ULK4: variants seen among roughly 807,000 people sequenced by gnomAD.
ULK4 encodes the protein unc-51 like kinase 4.
A neutral mutation model predicts 160.6 loss-of-function variants in ULK4; 133 were observed. That is an observed-to-expected ratio of 0.83 (90% CI 0.72 to 0.96). The LOEUF is 0.96. ULK4 is among the 40% of genes least tolerant of loss of function. ULK4 has a pLI of 0.00. For synonymous variants in ULK4, 534 were observed against 539.8 expected (o/e 0.99, Z 0.15); for missense variants, 1,580 against 1,499.5 (o/e 1.05, Z -0.89).
intron 35 of ULK4, among the ~76,000 whole-genome samples, chr3:41,264,110 A>G (rs2078989182): frequency 6.6e-6 from 1 of 152,232 alleles, no homozygotes; most frequent in African/African-American, 2.4e-5. Context: ...AGAACCAGCC[A>G]TGAGAACATG....
chr3:41,393,924 G>T (rs2082004780), intron 35 of ULK4, among the ~76,000 whole-genome samples: 1 of 152,036 alleles, frequency 6.6e-6, no homozygotes, highest in Non-Finnish European at 1.5e-5. Flanking sequence ...TTTCCTAGTT[G>T]GTGGTCTTGG....
intron 19 of ULK4, among the ~76,000 whole-genome samples, chr3:41,803,171 C>CAAAAA (rs60309572): frequency 2.6e-4 from 35 of 136,126 alleles, no homozygotes; most frequent in Non-Finnish European, 3.9e-4. Flanking sequence ...GACTCCATCT[C>CAAAAA]AAAAAAAAAA....
intron 17 of ULK4, among the ~76,000 whole-genome samples, chr3:41,869,473 C>T (rs1413718060): frequency 6.6e-6 from 1 of 151,908 alleles, no homozygotes; most frequent in African/African-American, 2.4e-5. Flanking sequence ...CCCAGTTACT[C>T]GGGAGGTTGA....
At chr3:41,371,633 C>T (rs1229135598) in intron 35 of ULK4, among the ~76,000 whole-genome samples, 1 of 152,102 alleles carries the variant, frequency 6.6e-6, no homozygotes, top group Non-Finnish European at 1.5e-5. Flanking sequence ...GCAGACACTC[C>T]ATCCGAAGGT....
intron 31 of ULK4, among the ~76,000 whole-genome samples, chr3:41,574,114 G>A (rs2088097856): frequency 6.6e-6 from 1 of 152,086 alleles, no homozygotes; most frequent in South Asian, 2.1e-4. Flanking sequence ...AAAAGGCAGA[G>A]GTTGCCGTGA....
At chr3:41,820,006 T>C (rs913751765) in intron 18 of ULK4, among the ~76,000 whole-genome samples, 1 of 152,218 alleles carries the variant, frequency 6.6e-6, no homozygotes, top group Admixed American at 6.5e-5. Flanking sequence ...GGTACACTGA[T>C]TTTAATGACA....
intron 35 of ULK4, among the ~76,000 whole-genome samples, chr3:41,265,218 C>T (rs2079009592): frequency 6.6e-6 from 1 of 152,214 alleles, no homozygotes; most frequent in African/African-American, 2.4e-5. Context: ...GGGCCACGGC[C>T]AGCCAAAGTG....
intron 30 of ULK4, among the ~76,000 whole-genome samples, chr3:41,641,611 C>G (rs1196234098): frequency 6.6e-6 from 1 of 152,138 alleles, no homozygotes; most frequent in Non-Finnish European, 1.5e-5. Flanking sequence ...ATAAAAACCA[C>G]TGGCCCTAAA....
At chr3:41,346,054 G>GC (rs2080793317) in intron 35 of ULK4, among the ~76,000 whole-genome samples, 1 of 152,048 alleles carries the variant, frequency 6.6e-6, no homozygotes, top group South Asian at 2.1e-4. Flanking sequence ...AGGACAGGAT[G>GC]CGTGAGAGGC....
chr3:41,700,571 C>T (rs780516030), intron 27 of ULK4, among the ~76,000 whole-genome samples: 22 of 152,014 alleles, frequency 1.4e-4, no homozygotes, highest in Non-Finnish European at 3.2e-4. Flanking sequence ...ATTGGCAGAG[C>T]CCTTAGGTGC....
At chr3:41,356,113 G>A (rs2081024683) in intron 35 of ULK4, among the ~76,000 whole-genome samples, 1 of 152,112 alleles carries the variant, frequency 6.6e-6, no homozygotes, top group African/African-American at 2.4e-5. Context: ...AATTAAATTT[G>A]TTTCCATATT....
chr3:41,546,981 C>G (rs2086886511), intron 32 of ULK4, among the ~76,000 whole-genome samples: 1 of 152,132 alleles, frequency 6.6e-6, no homozygotes, highest in Non-Finnish European at 1.5e-5. Flanking sequence ...ACGTTCAAAA[C>G]ATTATTTCCA....
rs557675016 is a variant in ULK4, at chr3:41,431,115, G to A, written c.3492+24382C>T. Among the ~76,000 whole-genome samples the A allele has an allele frequency of 3.3e-5, 5 of 152,208 alleles. 1 individual carries two copies. The highest frequency in any genetic ancestry group is 4.1e-4 in the South Asian group (2 of 4,824). On this transcript the variant is annotated intron_variant, in intron 34 of 36. Transcript: ENST00000301831. Reference sequence around the variant, plus strand: ...TGGTAATCCTAGCACTTTGGGTGGCGGAGGCAGGCTGATCACGAAGTCAAG... The same window carrying A: ...TGGTAATCCTAGCACTTTGGGTGGCAGAGGCAGGCTGATCACGAAGTCAAG...
intron 2 of ULK4, among the ~76,000 whole-genome samples, chr3:41,942,514 A>T (rs532902876): frequency 6.6e-6 from 1 of 151,330 alleles, no homozygotes; most frequent in South Asian, 2.1e-4. Context: ...TTAAGACTTC[A>T]TCTCAAAAAA....
intron 21 of ULK4, among the ~76,000 whole-genome samples, chr3:41,773,163 G>C (rs1219742898): frequency 1.3e-5 from 2 of 152,280 alleles, no homozygotes; most frequent in Middle Eastern, 3.4e-3. Context: ...ACTGGCACAA[G>C]ACAGGGATGC....
At chr3:41,655,494 T>C (rs2034906013) in intron 30 of ULK4, among the ~76,000 whole-genome samples, 1 of 152,010 alleles carries the variant, frequency 6.6e-6, no homozygotes, top group Non-Finnish European at 1.5e-5. Context: ...AATCTGTACG[T>C]TGTGCACATG....
chr3:41,705,314 A>C lies in ULK4; in HGVS notation c.2635-9T>G. The C allele has an allele frequency of 6.2e-7, 1 of 1,600,800 alleles. No homozygotes were observed. Among genetic ancestry groups the C allele is most frequent in the East Asian group, 2.2e-5 (1 of 44,632 alleles). On this transcript the variant is annotated splice_polypyrimidine_tract_variant and intron_variant, in intron 25 of 36. Transcript: ENST00000301831. ...ACAGATTTAATATGACTCTGAAAAA[A>C]AATAAATTTTTAATAAATAGAGTTT...
At chr3:41,761,301 CAT>C (rs1559533164) in intron 21 of ULK4, among the ~76,000 whole-genome samples, 1 of 140,270 alleles carries the variant, frequency 7.1e-6, no homozygotes, top group African/African-American at 2.9e-5. Flanking sequence ...ATAATATACA[CAT>C]AAAATACATT....
At chr3:41,259,067 T>G (rs1185225691) in intron 35 of ULK4, among the ~76,000 whole-genome samples, 1 of 149,146 alleles carries the variant, frequency 6.7e-6, no homozygotes, top group Non-Finnish European at 1.5e-5. Context: ...TATGTATATG[T>G]GTATATACAT....
Sources: allele counts gnomAD v4.1 joint callset (sites outside exome capture counted in the v4.1 genomes callset), GRCh38; gene constraint gnomAD v4.1.1; transcripts MANE v1.5; gene names NCBI Gene and HGNC (gene_info 2026-07-23, HGNC 2026-07-21).